The following HGF variants were observed in gnomAD, a reference collection of about 807,000 sequenced individuals.
HGF encodes fibroblast-derived tumor cytotoxic factor.
A neutral mutation model predicts 111.6 loss-of-function variants in HGF; 39 were observed. The ratio of observed to expected loss-of-function variants is 0.35; its 90% CI spans 0.27 to 0.46. HGF has a LOEUF of 0.46. Among genes scored for constraint, HGF ranks in the 20% least tolerant of loss-of-function variants. The pLI, the probability that HGF is intolerant of heterozygous loss-of-function variation, is 1.00. For synonymous variants in HGF, 285 were observed against 294.8 expected (o/e 0.97, Z 0.34); for missense variants, 735 against 910.5 (o/e 0.81, Z 2.48).
rs370244233 is a variant in HGF, at chr7:81,720,965, G to T, written c.1169-118C>A. ...CATAAAAATTAAAGTACTTGAAAGGGCTGGGTGCGGTGGCTCACGCCTGTA... is the reference window on the plus strand; with the variant it reads ...CATAAAAATTAAAGTACTTGAAAGGTCTGGGTGCGGTGGCTCACGCCTGTA... On this transcript the variant is annotated intron_variant, in intron 9 of 17. Transcript: ENST00000222390. 15 of 690,188 alleles carry T rather than the reference G, an allele frequency of 2.2e-5. No homozygotes were observed. The African/African-American group carries it at 2.7e-4, about 12-fold the overall frequency. The allele number at this position is 690,188 out of a possible 1,614,324, so 42.8% of individuals were successfully genotyped here.
chr7:81,712,279 A>G (rs914602529), intron 11 of HGF, among the ~76,000 whole-genome samples: 3 of 152,144 alleles, frequency 2.0e-5, no homozygotes, highest in Admixed American at 6.6e-5. Flanking sequence ...AATTTGAATC[A>G]TTTAATTTTT....
chr7:81,759,902 T>C (rs997714241), intron 2 of HGF, among the ~76,000 whole-genome samples: 3 of 152,230 alleles, frequency 2.0e-5, no homozygotes, highest in African/African-American at 7.2e-5. Flanking sequence ...TTTTTTGTTA[T>C]TGTTCACTAA....
At chr7:81,706,158 T>C in intron 15 of HGF, 129 bp downstream of exon 15, 1 of 818,918 alleles carries the variant, frequency 1.2e-6, no homozygotes, top group Non-Finnish European at 2.1e-6. Flanking sequence ...TATATACATA[T>C]ATATACAGCA....
intron 8 of HGF, among the ~76,000 whole-genome samples, chr7:81,727,543 C>A (rs1790050206): frequency 6.6e-6 from 1 of 150,668 alleles, no homozygotes; most frequent in Non-Finnish European, 1.5e-5. Flanking sequence ...AAATTATTAA[C>A]TGGAATAGAT....
intron 1 of HGF, among the ~76,000 whole-genome samples, chr7:81,767,178 C>A (rs1426962541): frequency 1.3e-5 from 2 of 151,998 alleles, no homozygotes; most frequent in African/African-American, 2.4e-5. Flanking sequence ...AACTCTCAAC[C>A]ATAGTACAAA....
chr7:81,726,134 T>G, intron 8 of HGF, 117 bp from the exon 9 acceptor site: 1 of 1,018,796 alleles, frequency 9.8e-7, no homozygotes. Context: ...AGTTCTAACT[T>G]TTTGGACTCA....
intron 15 of HGF, 101 bp downstream of exon 15, chr7:81,706,186 A>G (rs1789421021): frequency 3.1e-6 from 3 of 976,762 alleles, no homozygotes; most frequent in Admixed American, 1.7e-5. Context: ...TATGTTTATA[A>G]TGCATCTGTA....
At chr7:81,704,147 G>A (rs569063441) in intron 17 of HGF, among the ~76,000 whole-genome samples, 13 of 151,610 alleles carry the variant, frequency 8.6e-5, no homozygotes, top group African/African-American at 3.1e-4. Context: ...GAGAAGTGGC[G>A]GAATCTACTT....
chr7:81,744,364 A>T (rs565122256), intron 6 of HGF, among the ~76,000 whole-genome samples: 37 of 150,780 alleles, frequency 2.5e-4, no homozygotes, highest in African/African-American at 8.8e-4. Context: ...ATTCCTGGGG[A>T]TAAAAGATAG....
At chr7:81,713,258 C>T (rs1487121740) in intron 11 of HGF, among the ~76,000 whole-genome samples, 2 of 151,972 alleles carry the variant, frequency 1.3e-5, no homozygotes, top group Non-Finnish European at 2.9e-5. Context: ...CGTGGTGGCT[C>T]GTGCCTGCCT....
At chr7:81,706,629 T>A (rs1050156448) in intron 14 of HGF, among the ~76,000 whole-genome samples, 1 of 152,060 alleles carries the variant, frequency 6.6e-6, no homozygotes, top group Non-Finnish European at 1.5e-5. Flanking sequence ...GGCTTTAAAT[T>A]GCTGAGATTC....
chr7:81,759,597 C>T (rs1045123326), intron 2 of HGF, among the ~76,000 whole-genome samples: 1 of 151,320 alleles, frequency 6.6e-6, no homozygotes, highest in Non-Finnish European at 1.5e-5. Flanking sequence ...CTCCGCCTCC[C>T]GGGTTCACGC....
intron 17 of HGF, among the ~76,000 whole-genome samples, chr7:81,702,966 T>A (rs1789325746): frequency 6.6e-6 from 1 of 151,712 alleles, no homozygotes; most frequent in African/African-American, 2.4e-5. Flanking sequence ...AAGTTTAAAG[T>A]GTTCTATTAT....
chr7:81,743,752 C>T (rs1165703367), intron 6 of HGF, among the ~76,000 whole-genome samples: 2 of 152,112 alleles, frequency 1.3e-5, no homozygotes, highest in Non-Finnish European at 2.9e-5. Context: ...TCTCTTAGAA[C>T]CCACTTAAGG....
At chr7:81,738,765 A>G (rs73712331) in intron 7 of HGF, among the ~76,000 whole-genome samples, 7,605 of 152,174 alleles carry the variant, frequency 0.05, 695 homozygotes, top group African/African-American at 0.17. Context: ...TGTGTTAAAA[A>G]TTCTGAATTT....
At chr7:81,707,564 A>T (rs1789462064) in intron 13 of HGF, among the ~76,000 whole-genome samples, 200 bp from the exon 14 acceptor site, 1 of 152,092 alleles carries the variant, frequency 6.6e-6, no homozygotes, top group Admixed American at 6.6e-5. Context: ...CTTTTTTTTC[A>T]TAATGTGACT....
At chr7:81,713,819 A>G (rs1005570368) in intron 11 of HGF, among the ~76,000 whole-genome samples, 2 of 151,922 alleles carry the variant, frequency 1.3e-5, no homozygotes, top group Non-Finnish European at 2.9e-5. Context: ...TTCTTCCTTT[A>G]CTTTCACCAC....
At chr7:81,745,286 ACTACTCCCTATAG>A (rs1788192322) in intron 5 of HGF, among the ~76,000 whole-genome samples, 166 bp from the exon 6 acceptor site, 1 of 152,216 alleles carries the variant, frequency 6.6e-6, no homozygotes, top group Non-Finnish European at 1.5e-5. Flanking sequence ...AGTGACATAA[ACTACTCCCTATAG>A]AACACATCAT....
intron 13 of HGF, 132 bp from the exon 14 acceptor site, chr7:81,707,496 G>A: frequency 1.5e-6 from 1 of 654,298 alleles, no homozygotes; most frequent in Non-Finnish European, 2.8e-6. Context: ...TAACCCAACT[G>A]GAATAAAATG....
Sources: allele counts gnomAD v4.1 joint callset (sites outside exome capture counted in the v4.1 genomes callset), GRCh38; gene constraint gnomAD v4.1.1; transcripts MANE v1.5; gene names NCBI Gene and HGNC (gene_info 2026-07-23, HGNC 2026-07-21).